The following HKDC1 variants were observed in gnomAD, a reference collection of about 807,000 sequenced individuals.
HKDC1 encodes the protein hexokinase HKDC1.
Under a neutral mutation model 96.6 loss-of-function variants are expected in HKDC1, and 66 were observed. The observed-to-expected ratio is 0.68, with a 90% CI of 0.56 to 0.84. The LOEUF (loss-of-function observed/expected upper bound fraction) is 0.84, where lower values mean the gene tolerates loss of function less well. HKDC1 is among the 40% of genes least tolerant of loss of function. HKDC1 has a pLI of 0.00. For missense variants in HKDC1, 1,211 were observed against 1,208.1 expected (o/e 1.00, Z -0.04); for synonymous variants, 466 against 473.1 (o/e 0.98, Z 0.20).
At chr10:69,221,229 G>T (rs962453361) in intron 1 of HKDC1, among the ~76,000 whole-genome samples, 1 of 152,182 alleles carries the variant, frequency 6.6e-6, no homozygotes, top group Admixed American at 6.5e-5. Context: ...GAAGGTGTGA[G>T]TTGCAATAGA....
At chr10:69,239,340 G>A (rs1843417279) in intron 5 of HKDC1, among the ~76,000 whole-genome samples, 1 of 152,212 alleles carries the variant, frequency 6.6e-6, no homozygotes, top group Non-Finnish European at 1.5e-5. Context: ...GGTAGGCGGG[G>A]CTTGCACCAA....
intron 1 of HKDC1, among the ~76,000 whole-genome samples, chr10:69,221,367 A>T (rs941962796): frequency 6.6e-6 from 1 of 152,114 alleles, no homozygotes; most frequent in Non-Finnish European, 1.5e-5. Context: ...GGCTGGTTAA[A>T]GGTTGCCAAG....
intron 8 of HKDC1, among the ~76,000 whole-genome samples, 153 bp downstream of exon 8, chr10:69,246,387 A>G (rs532855312): frequency 6.6e-6 from 1 of 152,128 alleles, no homozygotes; most frequent in African/African-American, 2.4e-5. Flanking sequence ...TGGGTTAGCA[A>G]TTTCTGCCAT....
chr10:69,260,689 A>T (rs1389993619), intron 15 of HKDC1, among the ~76,000 whole-genome samples: 3 of 152,192 alleles, frequency 2.0e-5, no homozygotes, highest in Non-Finnish European at 2.9e-5. Context: ...GTGCCTGGTC[A>T]GTACAAGGCC....
intron 1 of HKDC1, among the ~76,000 whole-genome samples, chr10:69,225,596 C>T (rs984929867): frequency 3.9e-5 from 6 of 152,178 alleles, no homozygotes; most frequent in Non-Finnish European, 5.9e-5. Flanking sequence ...TTCGTTGTCA[C>T]GAGACTGAGC....
intron 15 of HKDC1, among the ~76,000 whole-genome samples, chr10:69,259,400 T>C (rs1053798323): frequency 2.0e-5 from 3 of 152,246 alleles, no homozygotes; most frequent in Non-Finnish European, 4.4e-5. Context: ...CATGATGTCA[T>C]GTCCCACCAC....
intron 4 of HKDC1, among the ~76,000 whole-genome samples, chr10:69,237,909 G>A (rs1039538555): frequency 6.6e-6 from 1 of 152,146 alleles, no homozygotes; most frequent in African/African-American, 2.4e-5. Context: ...ATAAATTGAG[G>A]GAAATGGAGG....
intron 12 of HKDC1, among the ~76,000 whole-genome samples, chr10:69,255,077 C>T (rs888663287): frequency 3.3e-5 from 5 of 152,156 alleles, no homozygotes; most frequent in South Asian, 2.1e-4. Context: ...GCGGTCCTGA[C>T]GGGGCACCAG....
At chr10:69,231,509 C>T (rs1352295369) in intron 2 of HKDC1, among the ~76,000 whole-genome samples, 1 of 152,146 alleles carries the variant, frequency 6.6e-6, no homozygotes, top group Non-Finnish European at 1.5e-5. Context: ...AGCCTGGCAG[C>T]CTGACTCCTG....
chr10:69,255,739 A>C (rs1258015090), intron 12 of HKDC1, among the ~76,000 whole-genome samples: 1 of 152,090 alleles, frequency 6.6e-6, no homozygotes, highest in Non-Finnish European at 1.5e-5. Flanking sequence ...CAACATGATG[A>C]AACCTCGTCT....
At position 69,243,289 on chromosome 10, in the gene HKDC1, G is replaced by T. The variant is rs372652067; in HGVS notation, c.799G>T (p.Asp267Tyr). ...CACAGAGTGGGGGGCCTTCGGGGACGACGGGGCCCTGGAGGACATTCGCAC... is the reference window on the plus strand; with the variant it reads ...CACAGAGTGGGGGGCCTTCGGGGACTACGGGGCCCTGGAGGACATTCGCAC... Reference protein sequence around the residue: ...INTEWGAFGDDGALEDIRTEF... With the variant: ...INTEWGAFGDYGALEDIRTEF... Residue 267 changes from aspartate to tyrosine, a missense_variant, in exon 7 of 18, where the codon GAC (aspartate) becomes TAC (tyrosine). Transcript: ENST00000354624. 1.2e-6 allele frequency: 2 copies of T among 1,613,848 alleles called. No individual in the cohort carries two copies. The highest frequency in any genetic ancestry group is 2.7e-5 in the African/African-American group (2 of 74,930).
chr10:69,259,432 T>C (rs998405333), intron 15 of HKDC1, among the ~76,000 whole-genome samples: 3 of 152,198 alleles, frequency 2.0e-5, no homozygotes, highest in Non-Finnish European at 4.4e-5. Context: ...ACTTGTGAGG[T>C]GTATTCCAAT....
rs191147455 is a variant in HKDC1, at chr10:69,233,151, G to A, written c.495+18G>A. ...TGGAAGAGGTAAGGCGCGGAGGGAA[G>A]CAGCAGTGCAGGAATTGGGGCTTGG... is the stretch of plus-strand genomic sequence containing the variant. On this transcript the variant is annotated intron_variant, in intron 4 of 17. Transcript: ENST00000354624. 3 of 1,613,262 alleles carry A rather than the reference G, an allele frequency of 1.9e-6. No homozygotes were observed. Among genetic ancestry groups the A allele is most frequent in the African/African-American group, 2.7e-5 (2 of 75,056 alleles).
intron 4 of HKDC1, among the ~76,000 whole-genome samples, chr10:69,235,189 A>AG (rs1000774031): frequency 2.0e-5 from 3 of 152,158 alleles, no homozygotes; most frequent in African/African-American, 7.2e-5. Context: ...TGGGAGGCCG[A>AG]GGGGGGCAGA....
At chr10:69,247,721 CA>C in intron 9 of HKDC1, 128 bp downstream of exon 9, 1 of 725,726 alleles carries the variant, frequency 1.4e-6, no homozygotes. Flanking sequence ...TCTGAGATTA[CA>C]AGGGAAAAGG....
intron 14 of HKDC1, 139 bp downstream of exon 14, chr10:69,257,565 C>A: frequency 1.4e-6 from 1 of 712,376 alleles, no homozygotes; most frequent in Non-Finnish European, 2.4e-6. Flanking sequence ...AATTGGGATT[C>A]CAGGTCACCA....
At position 69,248,406 on chromosome 10, in the gene HKDC1, C is replaced by T. The variant is rs545533243; in HGVS notation, c.1266-18C>T. On this transcript the variant is annotated intron_variant, in intron 9 of 17. Transcript: ENST00000354624. ...GCCTTTATGATTGCTAAATATTTTG[C>T]CATCACCCCTGCTTCAGGTACCCAA... 3 of 1,533,278 alleles carry T rather than the reference C, an allele frequency of 2.0e-6. No homozygotes were observed. Among genetic ancestry groups the T allele is most frequent in the South Asian group, 1.3e-5 (1 of 78,196 alleles). The allele number at this position is 1,533,278 out of a possible 1,614,324, so 95.0% of individuals were successfully genotyped here.
At chr10:69,243,474 A>G (rs1843488623) in intron 7 of HKDC1, 109 bp downstream of exon 7, 2 of 896,702 alleles carry the variant, frequency 2.2e-6, no homozygotes, top group African/African-American at 1.8e-5. Flanking sequence ...TATCCATCAC[A>G]ACTTTCTTTC....
At chr10:69,264,793 T>C (rs1003675406) in intron 16 of HKDC1, among the ~76,000 whole-genome samples, 14 of 152,236 alleles carry the variant, frequency 9.2e-5, no homozygotes, top group Non-Finnish European at 1.9e-4. Context: ...TCTTCTTCTC[T>C]AAGTATTACC....
Sources: allele counts gnomAD v4.1 joint callset (sites outside exome capture counted in the v4.1 genomes callset), GRCh38; gene constraint gnomAD v4.1.1; transcripts MANE v1.5; gene names NCBI Gene and HGNC (gene_info 2026-07-23, HGNC 2026-07-21).